PITPNM3: variants seen among roughly 807,000 people sequenced by gnomAD.
PITPNM3 encodes the protein membrane-associated phosphatidylinositol transfer protein 3.
PITPNM3 carries 26 observed loss-of-function variants against 102.0 expected under a neutral mutation model. The observed-to-expected ratio is 0.25, with a 90% CI of 0.19 to 0.35. The LOEUF is 0.35. PITPNM3 is among the 10% of genes least tolerant of loss of function. PITPNM3 has a pLI of 1.00. For missense variants in PITPNM3, 1,083 were observed against 1,346.1 expected (o/e 0.80, Z 3.06); for synonymous variants, 578 against 558.6 (o/e 1.03, Z -0.49).
intron 3 of PITPNM3, among the ~76,000 whole-genome samples, chr17:6,511,844 G>T (rs1469049781): frequency 6.6e-6 from 1 of 152,074 alleles, no homozygotes; most frequent in East Asian, 1.9e-4. Context: ...AATTAGCCAT[G>T]GGGGGCAGGA....
In PITPNM3 at chr17:6,472,623, C is replaced by T; in HGVS notation, c.1429+34G>A. ...GAATGGGCTGGGGCCCCACCTCCAG[C>T]TCAGCACACTCTCTCCCACCCCCAA... On this transcript the variant is annotated intron_variant, in intron 11 of 19. Coordinates refer to ENST00000262483, the MANE Select transcript of PITPNM3 (RefSeq NM_031220.4). This position sits in a 1 kb window ranked among gnomAD's most constrained non-coding sequence, Gnocchi z 4.1. 1 of 1,600,704 alleles carries T rather than the reference C, an allele frequency of 6.2e-7. No individual in the cohort carries two copies. The highest frequency in any genetic ancestry group is 8.5e-7 in the Non-Finnish European group (1 of 1,174,688).
chr17:6,494,687 A>G (rs1906698508), intron 4 of PITPNM3, among the ~76,000 whole-genome samples: 1 of 152,162 alleles, frequency 6.6e-6, no homozygotes, highest in Non-Finnish European at 1.5e-5. Flanking sequence ...TGGAAAAACG[A>G]TCTCTTCATT....
intron 9 of PITPNM3, among the ~76,000 whole-genome samples, chr17:6,475,346 G>A (rs373348901): frequency 2.6e-5 from 4 of 152,330 alleles, no homozygotes; most frequent in African/African-American, 9.6e-5. Context: ...AGAGTAGGAC[G>A]CTGAGAATCA....
intron 4 of PITPNM3, among the ~76,000 whole-genome samples, chr17:6,489,124 G>A (rs541550275): frequency 5.3e-5 from 8 of 152,268 alleles, no homozygotes; most frequent in African/African-American, 1.4e-4. Flanking sequence ...TTACCAATGC[G>A]CCACACTGCT....
intron 1 of PITPNM3, among the ~76,000 whole-genome samples, chr17:6,554,414 C>T (rs1365103421): frequency 6.6e-6 from 1 of 151,898 alleles, no homozygotes; most frequent in African/African-American, 2.4e-5. Flanking sequence ...AACCAGACTC[C>T]TTGGGATGAC....
intron 4 of PITPNM3, among the ~76,000 whole-genome samples, chr17:6,496,242 C>T (rs947047782): frequency 6.6e-6 from 1 of 152,128 alleles, no homozygotes; most frequent in South Asian, 2.1e-4. Flanking sequence ...GACTGCATCA[C>T]GGGCTGGATC....
At chr17:6,554,762 C>A (rs1033291420) in intron 1 of PITPNM3, among the ~76,000 whole-genome samples, 1 of 152,174 alleles carries the variant, frequency 6.6e-6, no homozygotes, top group Non-Finnish European at 1.5e-5. Flanking sequence ...TCTGCCCAGA[C>A]CCTCTAAGCC....
chr17:6,461,946 C>T (rs1904482151), intron 17 of PITPNM3, among the ~76,000 whole-genome samples: 2 of 152,070 alleles, frequency 1.3e-5, no homozygotes, highest in African/African-American at 2.4e-5. Flanking sequence ...TCACTTAAGC[C>T]TTGCTTCTCA....
At chr17:6,498,641 G>A (rs898445183) in intron 4 of PITPNM3, among the ~76,000 whole-genome samples, 16 of 152,286 alleles carry the variant, frequency 1.1e-4, no homozygotes, top group African/African-American at 3.9e-4. Context: ...GAAGGGATGG[G>A]GACAGGGAGG....
At chr17:6,543,249 A>C (rs374234263) in intron 1 of PITPNM3, among the ~76,000 whole-genome samples, 5 of 152,172 alleles carry the variant, frequency 3.3e-5, no homozygotes, top group African/African-American at 1.2e-4. Context: ...GGACCTTGTC[A>C]TGGGCCTGGG....
At chr17:6,536,908 C>T (rs1487659440) in intron 2 of PITPNM3, among the ~76,000 whole-genome samples, 2 of 152,170 alleles carry the variant, frequency 1.3e-5, no homozygotes, top group African/African-American at 4.8e-5. Context: ...TGGATCAGGA[C>T]CCTGGTGCTT....
In PITPNM3 at chr17:6,457,849, T is replaced by C; in HGVS notation, c.2491-127A>G. On this transcript the variant is annotated intron_variant, in intron 18 of 19. Transcript: ENST00000262483. The surrounding 1 kb of genome is among the most constrained non-coding windows in gnomAD (Gnocchi z 4.7). ...GTGCACTCTGGTAGACTCCAAGCCA[T>C]GGGGCCACCCTGTGTCAGGAATGAA... is the stretch of plus-strand genomic sequence containing the variant. The C allele has an allele frequency of 7.5e-7, 1 of 1,338,158 alleles. No individual in the cohort carries two copies. Among genetic ancestry groups the C allele is most frequent in the South Asian group, 1.3e-5 (1 of 79,096 alleles). The allele number at this position is 1,338,158 out of a possible 1,614,324, so 82.9% of individuals were successfully genotyped here. A position where few individuals can be genotyped will look rare whatever the true frequency, so the allele number is the denominator to read the frequency against.
At chr17:6,461,246 T>C in intron 18 of PITPNM3, 127 bp downstream of exon 18, 1 of 1,183,474 alleles carries the variant, frequency 8.4e-7, no homozygotes, top group Non-Finnish European at 1.2e-6. Context: ...CCCATCCAGA[T>C]CCACGGGAAT....
At chr17:6,522,354 C>A (rs1908584408) in intron 3 of PITPNM3, among the ~76,000 whole-genome samples, 1 of 151,844 alleles carries the variant, frequency 6.6e-6, no homozygotes, top group Non-Finnish European at 1.5e-5. Context: ...GGGATGAGAG[C>A]AGTCTGAAAG....
intron 1 of PITPNM3, among the ~76,000 whole-genome samples, chr17:6,544,652 T>TCACACACA (rs1381269734): frequency 5.7e-5 from 4 of 70,308 alleles, no homozygotes; most frequent in African/African-American, 3.2e-4. Context: ...TCTCTCTCTC[T>TCACACACA]CTCACACACA....
intron 1 of PITPNM3, among the ~76,000 whole-genome samples, chr17:6,544,654 T>TCTCTCTCACA (rs376230474): frequency 0.2 from 25,887 of 129,784 alleles, 2,943 homozygotes; most frequent in East Asian, 0.47. Context: ...TCTCTCTCTC[T>TCTCTCTCACA]CACACACACA....
At chr17:6,548,531 A>G (rs1285380782) in intron 1 of PITPNM3, among the ~76,000 whole-genome samples, 1 of 152,160 alleles carries the variant, frequency 6.6e-6, no homozygotes, top group Non-Finnish European at 1.5e-5. Context: ...CACAGGGGCG[A>G]CATCAGGGCC....
At chr17:6,498,798 CAGAA>C (rs552677301) in intron 4 of PITPNM3, among the ~76,000 whole-genome samples, 1 of 152,174 alleles carries the variant, frequency 6.6e-6, no homozygotes, top group Non-Finnish European at 1.5e-5. Flanking sequence ...GATGGAAGCA[CAGAA>C]AGAGTGAGGT....
chr17:6,491,400 C>T (rs1056452265), intron 4 of PITPNM3, among the ~76,000 whole-genome samples: 4 of 152,096 alleles, frequency 2.6e-5, no homozygotes, highest in African/African-American at 9.7e-5. Context: ...GTAGCAGATG[C>T]GGATGGAACA....
Sources: allele counts gnomAD v4.1 joint callset (sites outside exome capture counted in the v4.1 genomes callset), GRCh38; gene constraint gnomAD v4.1.1; non-coding constraint Gnocchi (gnomAD v3.1); transcripts MANE v1.5; gene names NCBI Gene and HGNC (gene_info 2026-07-23, HGNC 2026-07-21).